The following SPATC1 variants were observed in gnomAD, a reference collection of about 807,000 sequenced individuals.
The protein encoded by SPATC1 is spermatogenesis and centriole associated 1, also known as speriolin.
A neutral mutation model predicts 36.5 loss-of-function variants in SPATC1; 35 were observed. The ratio of observed to expected loss-of-function variants is 0.96; its 90% CI spans 0.73 to 1.27. The LOEUF is 1.27. Among genes scored for constraint, SPATC1 ranks in the 50% most tolerant of loss-of-function variants. The probability of loss-of-function intolerance (pLI) is 0.00; values close to 1 mark genes in which losing one functional copy is unlikely to be tolerated. For synonymous variants in SPATC1, 361 were observed against 353.6 expected (o/e 1.02, Z -0.24); for missense variants, 779 against 796.0 (o/e 0.98, Z 0.26).
intron 1 of SPATC1, among the ~76,000 whole-genome samples, chr8:144,033,134 G>T (rs1196084291): frequency 6.6e-6 from 1 of 151,348 alleles, no homozygotes; most frequent in African/African-American, 2.4e-5. Flanking sequence ...AGTGGCTCAC[G>T]CCTGTTATCC....
At position 144,040,468 on chromosome 8, in the gene SPATC1, C is replaced by T. The variant is rs1412449800; in HGVS notation, c.766+5C>T. Reference sequence around the variant, plus strand: ...TACCCACTGCCACCACCAAAGGTAACAGGTGTGGTGGGTGGTGGGTGGCAG... The same window carrying T: ...TACCCACTGCCACCACCAAAGGTAATAGGTGTGGTGGGTGGTGGGTGGCAG... On this transcript the variant is annotated splice_donor_5th_base_variant and intron_variant, in intron 2 of 4. Transcript: ENST00000377470. 9.4e-6 allele frequency: 15 copies of T among 1,589,946 alleles called. No individual in the cohort carries two copies. Among genetic ancestry groups the T allele is most frequent in the African/African-American group, 9.4e-5 (7 of 74,406 alleles).
Position 144,041,096 on chromosome 8 carries a change from A to G in SPATC1, c.1295A>G (p.Glu432Gly). The change falls in exon 3 of 5, where the codon GAG (glutamate) becomes GGG (glycine). Residue 432 changes from glutamate to glycine, a missense_variant. Physicochemically the swap from Glu to Gly is moderately conservative, Grantham distance 98. Coordinates refer to ENST00000377470, the MANE Select transcript of SPATC1 (RefSeq NM_198572.3). ...LAHRKTSKFP[E>G]NPRESKQLAW... ...CACCGCAAGACCAGCAAGTTCCCCG[A>G]GAACCCCCGAGGTCAGTGACACTGC... 1 of 1,580,518 alleles carries G rather than the reference A, an allele frequency of 6.3e-7. No homozygotes were observed. Among genetic ancestry groups the G allele is most frequent in the Non-Finnish European group, 8.6e-7 (1 of 1,161,548 alleles).
chr8:144,012,221 G>A (rs1834292367), upstream of SPATC1, among the ~76,000 whole-genome samples: 1 of 152,218 alleles, frequency 6.6e-6, no homozygotes, highest in South Asian at 2.1e-4. Flanking sequence ...TGGGGGAGAG[G>A]AAGTTTCACG....
At chr8:144,013,630 T>C (rs1834323400) in intron 1 of SPATC1, among the ~76,000 whole-genome samples, 1 of 152,120 alleles carries the variant, frequency 6.6e-6, no homozygotes, top group South Asian at 2.1e-4. Context: ...ATACCCCTAA[T>C]GACACAGAGA....
At chr8:144,012,782 GGA>G in intron 1 of SPATC1, 56 bp downstream of exon 1, 5 of 1,534,000 alleles carry the variant, frequency 3.3e-6, no homozygotes, top group Non-Finnish European at 4.4e-6. Flanking sequence ...GCACCAGAGA[GGA>G]GAGACTCAGT....
chr8:144,031,301 T>C (rs1009647374), intron 1 of SPATC1, among the ~76,000 whole-genome samples: 2 of 152,182 alleles, frequency 1.3e-5, no homozygotes, highest in Admixed American at 1.3e-4. Context: ...AATTCTTCTT[T>C]GATCTTTTTA....
chr8:144,033,790 A>C (rs1359179765), intron 1 of SPATC1, among the ~76,000 whole-genome samples: 3 of 152,142 alleles, frequency 2.0e-5, no homozygotes, highest in Admixed American at 6.6e-5. Context: ...TTATGCTAAC[A>C]TTGGCTTTTC....
Position 144,046,150 on chromosome 8 carries a change from G to A in SPATC1, c.1447-477G>A, listed in dbSNP as rs73379129. 9.3e-3 allele frequency among the ~76,000 whole-genome samples: 1,423 copies of A among 152,250 alleles called. 33 individuals carry two copies. Among genetic ancestry groups the A allele is most frequent in the African/African-American group, 0.033 (1,364 of 41,538 alleles). Reference sequence around the variant, plus strand: ...GTGCAGGCTAGAGGGTGCTGAGGATGGAGGCCAGGGTAAGGAAGGGGGTGG... The same window carrying A: ...GTGCAGGCTAGAGGGTGCTGAGGATAGAGGCCAGGGTAAGGAAGGGGGTGG... On this transcript the variant is annotated intron_variant, in intron 4 of 4. Transcript: ENST00000377470. This position sits in a 1 kb window ranked among gnomAD's most constrained non-coding sequence, Gnocchi z 6.6.
intron 4 of SPATC1, among the ~76,000 whole-genome samples, chr8:144,044,848 C>G (rs1835216859): frequency 6.6e-6 from 1 of 152,154 alleles, no homozygotes; most frequent in African/African-American, 2.4e-5. Context: ...ACTTGGGAGG[C>G]TGAGGCAGAA....
chr8:144,044,807 G>A (rs911362005), intron 4 of SPATC1, among the ~76,000 whole-genome samples: 1 of 152,014 alleles, frequency 6.6e-6, no homozygotes, highest in Admixed American at 6.5e-5. Context: ...ACATTAGCTG[G>A]GCGTGGAGGC....
In SPATC1 at chr8:144,012,391, A is replaced by T; in HGVS notation, c.-125A>T. The stretch of plus-strand genomic sequence containing the variant: ...CACAGCCTCTGACCTCACAATACCC[A>T]GGGCCCACTGGGCCAGCCTTGCAGA... On this transcript the variant is annotated 5_prime_UTR_variant, in exon 1 of 5. Coordinates refer to ENST00000377470, the MANE Select transcript of SPATC1 (RefSeq NM_198572.3). 1 of 752,186 alleles carries T rather than the reference A, an allele frequency of 1.3e-6. No homozygotes were observed. The highest frequency in any genetic ancestry group is 2.2e-6 in the Non-Finnish European group (1 of 449,840). 46.6% of individuals were successfully genotyped at this position (752,186 alleles called of 1,614,324 possible). A position where few individuals can be genotyped will look rare whatever the true frequency, so the allele number is the denominator to read the frequency against.
intron 1 of SPATC1, among the ~76,000 whole-genome samples, chr8:144,030,658 C>G (rs1357851208): frequency 4.6e-5 from 7 of 152,190 alleles, no homozygotes; most frequent in Non-Finnish European, 5.9e-5. Flanking sequence ...CATGCCTGGC[C>G]TGCTGTTTAT....
In SPATC1 at chr8:144,046,556, G is replaced by A. The variant is rs1365558107; in HGVS notation, c.1447-71G>A. ...CATCTCACAGCCTCACCTGCCCCTCGGTCTTCCCCTTACCTGCCTGTGTGT... is the reference window on the plus strand; with the variant it reads ...CATCTCACAGCCTCACCTGCCCCTCAGTCTTCCCCTTACCTGCCTGTGTGT... On this transcript the variant is annotated intron_variant, in intron 4 of 4. Coordinates refer to ENST00000377470, the MANE Select transcript of SPATC1 (RefSeq NM_198572.3). This position sits in a 1 kb window ranked among gnomAD's most constrained non-coding sequence, Gnocchi z 6.6. 22 of 1,428,174 alleles carry A rather than the reference G, an allele frequency of 1.5e-5. No individual in the cohort carries two copies. Among genetic ancestry groups the A allele is most frequent in the South Asian group, 7.6e-5 (6 of 78,954 alleles). 88.5% of individuals were successfully genotyped at this position (1,428,174 alleles called of 1,614,324 possible).
intron 1 of SPATC1, among the ~76,000 whole-genome samples, chr8:144,025,491 C>A (rs1449293537): frequency 1.3e-5 from 2 of 152,152 alleles, no homozygotes; most frequent in Non-Finnish European, 2.9e-5. Context: ...TGTACTGGAG[C>A]CTAAGATTTT....
Position 144,046,731 on chromosome 8 carries a change from C to A in SPATC1, c.1551C>A (p.Asn517Lys). ...ACAGGCTGCAGAGTCTGGGCTACAA[C>A]GGGCGGGTGCACCCTGCGCTGACCG... The part of the protein sequence containing the change: ...VMNRLQSLGY[N>K]GRVHPALTEQ... Residue 517 changes from asparagine (N) to lysine (K), a missense_variant, in exon 5 of 5, where the codon AAC becomes AAA. Coordinates refer to ENST00000377470, the MANE Select transcript of SPATC1 (RefSeq NM_198572.3). The surrounding 1 kb of genome is among the most constrained non-coding windows in gnomAD (Gnocchi z 6.6). 1.2e-6 allele frequency: 2 copies of A among 1,612,464 alleles called. No individual in the cohort carries two copies. Among genetic ancestry groups the A allele is most frequent in the Non-Finnish European group, 8.5e-7 (1 of 1,179,994 alleles).
At chr8:144,037,110 C>A (rs1587515416) in intron 1 of SPATC1, among the ~76,000 whole-genome samples, 1 of 129,028 alleles carries the variant, frequency 7.8e-6, no homozygotes. Flanking sequence ...GGGGCTGACC[C>A]CCGCCCGGCA....
intron 1 of SPATC1, among the ~76,000 whole-genome samples, chr8:144,023,241 C>T (rs1220859270): frequency 2.6e-5 from 1 of 38,158 alleles, no homozygotes. Flanking sequence ...CCTCTTCCCT[C>T]AGGACCTCTT....
chr8:144,040,271 GC>G lies in SPATC1; in HGVS notation c.575del (p.Ala192ValfsTer4). ...PLIAPVMGTVAVSLSSPLLSS... is the reference protein window; with the variant it reads ...PLIAPVMGTVXVSLSSPLLSS... ...GATAGCCCCTGTGATGGGCACGGTG[GC>G]TGTCTCTCTGAGCAGCCCCCTCCTC... On this transcript the variant is annotated frameshift_variant, in exon 2 of 5. Coordinates refer to ENST00000377470, the MANE Select transcript of SPATC1 (RefSeq NM_198572.3). LOFTEE classifies it high-confidence loss of function. 5 of 1,612,762 alleles carry G rather than the reference GC, an allele frequency of 3.1e-6. No homozygotes were observed. The highest frequency in any genetic ancestry group is 4.2e-6 in the Non-Finnish European group (5 of 1,179,864).
At chr8:144,018,423 C>A (rs1834433919) in intron 1 of SPATC1, among the ~76,000 whole-genome samples, 1 of 152,060 alleles carries the variant, frequency 6.6e-6, no homozygotes. Context: ...AGGGCAGTAG[C>A]TGGGAGGGCA....
Sources: gnomAD v4.1 joint callset for allele counts (sites outside exome capture counted in the v4.1 genomes callset) on GRCh38, gnomAD v4.1.1 for gene constraint, Gnocchi (gnomAD v3.1) non-coding constraint, MANE v1.5 for transcripts, NCBI Gene and HGNC (gene_info 2026-07-23, HGNC 2026-07-21) for gene names.